TMEM106B: variants seen among roughly 807,000 people sequenced by gnomAD.
The protein encoded by TMEM106B is transmembrane protein 106B.
A neutral mutation model predicts 31.1 loss-of-function variants in TMEM106B; 15 were observed. The observed-to-expected ratio is 0.48, with a 90% CI of 0.32 to 0.74. The LOEUF is 0.74. Among genes scored for constraint, TMEM106B ranks in the 30% least tolerant of loss-of-function variants. TMEM106B has a pLI of 0.03. For synonymous variants in TMEM106B, 126 were observed against 112.5 expected (o/e 1.12, Z -0.76); for missense variants, 283 against 327.3 (o/e 0.86, Z 1.04).
rs146620841 is a variant in TMEM106B at position 12,211,777 on chromosome 7, T to G, written c.-3+352T>G. Among the ~76,000 whole-genome samples the G allele has an allele frequency of 2.0e-5, 3 of 152,358 alleles. No homozygotes were observed. The East Asian group carries it at 5.8e-4, about 29-fold the overall frequency. ...TAGGCTTTGTGCTAGGTGTTGTTTA[T>G]GGAGCTTTTCAAAGGCGCTTGTTTC... On this transcript the variant is annotated intron_variant, in intron 1 of 7. Coordinates refer to ENST00000396668, the MANE Select transcript of TMEM106B (RefSeq NM_001134232.2).
chr7:12,228,814 G>A (rs113878499), intron 4 of TMEM106B, among the ~76,000 whole-genome samples: 1 of 152,140 alleles, frequency 6.6e-6, no homozygotes, highest in African/African-American at 2.4e-5. Context: ...GGAATTTAAA[G>A]CAATATTCCA....
In TMEM106B at chr7:12,229,778, T is replaced by C; in HGVS notation, c.541T>C (p.Leu181=). 1 of 1,612,492 alleles carries C rather than the reference T, an allele frequency of 6.2e-7. No individual in the cohort carries two copies. The highest frequency in any genetic ancestry group is 1.7e-4 in the Middle Eastern group (1 of 6,030). Residue 181 remains leucine, a synonymous_variant, in exon 5 of 8, where the codon TTA becomes CTA. Transcript: ENST00000396668. Reference sequence around the variant, plus strand: ...AAAAACAGTTATTGGAAAGGCACGCTTAAACAACATAACCATTATTGGTCC... The same window carrying C: ...AAAAACAGTTATTGGAAAGGCACGCCTAAACAACATAACCATTATTGGTCC... ...FSKTVIGKAR[L]NNITIIGPLD... is the part of the protein sequence containing the mutation.
chr7:12,220,223 A>T (rs1313726827), intron 3 of TMEM106B, among the ~76,000 whole-genome samples: 1 of 152,198 alleles, frequency 6.6e-6, no homozygotes, highest in Non-Finnish European at 1.5e-5. Context: ...GGAAATTAGG[A>T]TTAATCCCTT....
intron 4 of TMEM106B, among the ~76,000 whole-genome samples, chr7:12,226,888 T>A (rs1781912172): frequency 6.6e-6 from 1 of 151,624 alleles, no homozygotes; most frequent in Non-Finnish European, 1.5e-5. Flanking sequence ...CTTAGCCCTT[T>A]GGAACAAGGA....
chr7:12,230,525 C>T, intron 6 of TMEM106B, 87 bp downstream of exon 6: 1 of 906,876 alleles, frequency 1.1e-6, no homozygotes, highest in Non-Finnish European at 1.7e-6. Flanking sequence ...TTTTTAATTT[C>T]CGTTATCAGT....
intron 2 of TMEM106B, among the ~76,000 whole-genome samples, chr7:12,216,405 A>G (rs563410838): frequency 2.1e-4 from 32 of 152,206 alleles, no homozygotes; most frequent in South Asian, 4.2e-4. Context: ...ATTTGAGTGT[A>G]TATGTCACAG....
At chr7:12,211,748 A>G (rs1056390523) in intron 1 of TMEM106B, among the ~76,000 whole-genome samples, 3 of 152,080 alleles carry the variant, frequency 2.0e-5, no homozygotes, top group African/African-American at 7.2e-5. Flanking sequence ...GCAGCTTTAC[A>G]GAGTAGGCTT....
At position 12,234,318 on chromosome 7, in the gene TMEM106B, A is replaced by AT. The variant is rs965540467; in HGVS notation, c.*2351dup. 7 of 151,812 alleles carry AT rather than the reference A, an allele frequency of 4.6e-5. No individual in the cohort carries two copies. The highest frequency in any genetic ancestry group is 1.7e-4 in the African/African-American group (7 of 41,506). The allele number at this position is 151,812 out of a possible 1,614,324, so 9.4% of individuals were successfully genotyped here. On this transcript the variant is annotated 3_prime_UTR_variant, in exon 8 of 8. Coordinates refer to ENST00000396668, the MANE Select transcript of TMEM106B (RefSeq NM_001134232.2). ...TCTTTTTTCTTCATCTTTTGAATTAATTTTTTTTATTATATCTACTTTTAG... is the reference window on the plus strand; with the variant it reads ...TCTTTTTTCTTCATCTTTTGAATTAATTTTTTTTTATTATATCTACTTTTAG...
rs116089884 is a variant in TMEM106B, at chr7:12,216,578, G to A, written c.217+1551G>A. Among the ~76,000 whole-genome samples the A allele has an allele frequency of 7.1e-3, 1,076 of 152,188 alleles. 22 individuals are homozygous for A. The highest frequency in any genetic ancestry group is 0.025 in the African/African-American group (1,045 of 41,520). On this transcript the variant is annotated intron_variant, in intron 2 of 7. Transcript: ENST00000396668. ...TATAGATGACACTTAAAGCTCAGCTGGATGACAGCAGCAAGCTAGTCAGTG... is the reference window on the plus strand; with the variant it reads ...TATAGATGACACTTAAAGCTCAGCTAGATGACAGCAGCAAGCTAGTCAGTG...
intron 2 of TMEM106B, chr7:12,215,614 C>T: frequency 2.7e-6 from 1 of 374,506 alleles, no homozygotes; most frequent in Non-Finnish European, 5.6e-6. Context: ...GATGGAGTTT[C>T]CCCATGTTTC....
At position 12,237,160 on chromosome 7, in the gene TMEM106B, A is replaced by AT. The variant is rs1209996895; in HGVS notation, c.*5192dup. ...CAAATAGAAATGCCCCCAAAATGCT[A>AT]TTTTTTTAATTCAGTTATAACTGTT... On this transcript the variant is annotated 3_prime_UTR_variant, in exon 8 of 8. Transcript: ENST00000396668. 6.6e-6 allele frequency: 1 copy of AT among 151,990 alleles called. No homozygotes were observed. Among genetic ancestry groups the AT allele is most frequent in the Admixed American group, 6.6e-5 (1 of 15,230 alleles). The allele number at this position is 151,990 out of a possible 1,614,324, so 9.4% of individuals were successfully genotyped here.
chr7:12,215,026 G>A lies in TMEM106B; in HGVS notation c.216G>A (p.Arg72=). 1 of 1,611,994 alleles carries A rather than the reference G, an allele frequency of 6.2e-7. No homozygotes were observed. Among genetic ancestry groups the A allele is most frequent in the Non-Finnish European group, 8.5e-7 (1 of 1,178,784 alleles). ...PTCQGTGRIP[R]GQENQLVALI... ...GTCAGGGAACAGGAAGAATTCCTAG[G>A]GGTATGTGTTATTGTATTGTTTTCC... Residue 72 remains arginine, a splice_region_variant and synonymous_variant, in exon 2 of 8, where the codon AGG becomes AGA. Transcript: ENST00000396668.
chr7:12,214,649 C>CT (rs1781650220), intron 1 of TMEM106B, among the ~76,000 whole-genome samples, 160 bp from the exon 2 acceptor site: 1 of 152,170 alleles, frequency 6.6e-6, no homozygotes, highest in Non-Finnish European at 1.5e-5. Context: ...TGCCTCAGGC[C>CT]TTGTTCACTC....
rs1172438867 is a variant in TMEM106B, at chr7:12,236,406, C to G, written c.*4431C>G. 6.6e-6 allele frequency: 1 copy of G among 151,682 alleles called. No individual in the cohort carries two copies. The highest frequency in any genetic ancestry group is 1.5e-5 in the Non-Finnish European group (1 of 67,800). 9.4% of individuals were successfully genotyped at this position (151,682 alleles called of 1,614,324 possible). Reference sequence around the variant, plus strand: ...AAATGTAGTATGATCTATATTTGACCCTAAAAATGTTGGATTAATTTAACA... The same window carrying G: ...AAATGTAGTATGATCTATATTTGACGCTAAAAATGTTGGATTAATTTAACA... On this transcript the variant is annotated 3_prime_UTR_variant, in exon 8 of 8. Coordinates refer to ENST00000396668, the MANE Select transcript of TMEM106B (RefSeq NM_001134232.2).
At chr7:12,229,045 T>C (rs1583457177) in intron 4 of TMEM106B, among the ~76,000 whole-genome samples, 3 of 152,272 alleles carry the variant, frequency 2.0e-5, no homozygotes, top group Admixed American at 2.0e-4. Context: ...ATTTATCATT[T>C]AGTGTCTATG....
intron 2 of TMEM106B, among the ~76,000 whole-genome samples, chr7:12,217,254 G>A (rs142333216): frequency 1.3e-5 from 2 of 152,228 alleles, no homozygotes; most frequent in African/African-American, 2.4e-5. Flanking sequence ...AAAAGAGAAG[G>A]TAAAGTATGG....
Position 12,236,388 on chromosome 7 carries a change from G to A in TMEM106B, c.*4413G>A, listed in dbSNP as rs548404830. The A allele has an allele frequency of 6.6e-6, 1 of 151,906 alleles. No homozygotes were observed. The allele number at this position is 151,906 out of a possible 1,614,324, so 9.4% of individuals were successfully genotyped here. A position where few individuals can be genotyped will look rare whatever the true frequency, so the allele number is the denominator to read the frequency against. On this transcript the variant is annotated 3_prime_UTR_variant, in exon 8 of 8. Transcript: ENST00000396668. ...CACAGACTCTAAATTGAAAAATGTA[G>A]TATGATCTATATTTGACCCTAAAAA...
chr7:12,237,849 A>ACACACACG lies in TMEM106B; in HGVS notation c.*5881_*5882insGCACACAC, dbSNP rs1554311721. 7 of 150,840 alleles carry ACACACACG rather than the reference A, an allele frequency of 4.6e-5. No individual in the cohort carries two copies. Among genetic ancestry groups the ACACACACG allele is most frequent in the African/African-American group, 1.5e-4 (6 of 40,864 alleles). The allele number at this position is 150,840 out of a possible 1,614,324, so 9.3% of individuals were successfully genotyped here. ...CACACACACACACACACACACACAC[A>ACACACACG]CACACACTATTGCTAAAAAATGTTA... On this transcript the variant is annotated 3_prime_UTR_variant, in exon 8 of 8. Coordinates refer to ENST00000396668, the MANE Select transcript of TMEM106B (RefSeq NM_001134232.2).
chr7:12,215,156 GT>G, intron 2 of TMEM106B, 129 bp downstream of exon 2: 1 of 662,926 alleles, frequency 1.5e-6, no homozygotes, highest in Non-Finnish European at 2.5e-6. Flanking sequence ...CATCATATCA[GT>G]TACCTTCAGT....
Sources: allele counts gnomAD v4.1 joint callset (sites outside exome capture counted in the v4.1 genomes callset), GRCh38; gene constraint gnomAD v4.1.1; transcripts MANE v1.5; gene names NCBI Gene and HGNC (gene_info 2026-07-23, HGNC 2026-07-21).